TMPRSS15: variants seen among roughly 807,000 people sequenced by gnomAD.
TMPRSS15 encodes the protein transmembrane serine protease 15, also known as enteropeptidase.
In TMPRSS15, 128 loss-of-function variants were observed where a neutral mutation model predicts 125.3. The ratio of observed to expected loss-of-function variants is 1.02; its 90% CI spans 0.89 to 1.18. TMPRSS15 has a LOEUF of 1.18. Among genes scored for constraint, TMPRSS15 ranks in the 50% most tolerant of loss-of-function variants. The pLI is 0.00. For missense variants in TMPRSS15, 1,283 were observed against 1,212.7 expected (o/e 1.06, Z -0.86); for synonymous variants, 446 against 423.2 (o/e 1.05, Z -0.66).
intron 6 of TMPRSS15, among the ~76,000 whole-genome samples, chr21:18,369,214 A>G (rs2075768246): frequency 6.6e-6 from 1 of 152,186 alleles, no homozygotes; most frequent in Non-Finnish European, 1.5e-5. Context: ...AGGACCCACG[A>G]AGAACTCCCT....
intron 3 of TMPRSS15, among the ~76,000 whole-genome samples, chr21:18,396,110 T>G (rs112749295): frequency 0.084 from 12,839 of 152,240 alleles, 587 homozygotes; most frequent in African/African-American, 0.11. Flanking sequence ...ACTTAGATGT[T>G]TTTCTCCATG....
At chr21:18,428,521 C>T (rs549743671) in intron 1 of TMPRSS15, among the ~76,000 whole-genome samples, 67 of 152,110 alleles carry the variant, frequency 4.4e-4, no homozygotes, top group Non-Finnish European at 8.5e-4. Context: ...TGGGCCGGTC[C>T]CAGGGCCCCC....
Position 18,341,465 on chromosome 21 carries a change from C to A in TMPRSS15, c.1512G>T (p.Gly504=), listed in dbSNP as rs1216380890. The A allele has an allele frequency of 1.2e-6, 2 of 1,614,004 alleles. No individual in the cohort carries two copies. Among genetic ancestry groups the A allele is most frequent in the South Asian group, 2.2e-5 (2 of 91,080 alleles). ...DISLTYGICN[G]SLYPEPTLVP... ...CCAAAGTTGGTTCTGGATAAAGACT[C>A]CCATTGCAAATCCCATATGTTAGGC... Residue 504 remains glycine, a synonymous_variant, in exon 13 of 25, where the codon GGG becomes GGT. Coordinates refer to ENST00000284885, the MANE Select transcript of TMPRSS15 (RefSeq NM_002772.3).
intron 10 of TMPRSS15, among the ~76,000 whole-genome samples, chr21:18,345,718 G>A (rs529948602): frequency 3.3e-3 from 203 of 62,270 alleles, no homozygotes; most frequent in African/African-American, 0.01. Context: ...TCCAGCCTAG[G>A]CGACAGAGTG....
intron 3 of TMPRSS15, among the ~76,000 whole-genome samples, chr21:18,393,797 C>T (rs1490931552): frequency 6.6e-6 from 1 of 152,086 alleles, no homozygotes; most frequent in African/African-American, 2.4e-5. Context: ...CAAAGGTGCC[C>T]TTTGTAAGTA....
intron 22 of TMPRSS15, 25 bp downstream of exon 22, chr21:18,281,015 A>G: frequency 6.3e-7 from 1 of 1,599,930 alleles, no homozygotes; most frequent in Non-Finnish European, 8.5e-7. Flanking sequence ...AGATAAGATG[A>G]CTAAGAGTGA....
intron 1 of TMPRSS15, among the ~76,000 whole-genome samples, chr21:18,459,738 T>C (rs1243013386): frequency 6.6e-6 from 1 of 152,198 alleles, no homozygotes; most frequent in Non-Finnish European, 1.5e-5. Context: ...TGCTGGTATT[T>C]TCATGGGAAT....
intron 3 of TMPRSS15, 41 bp downstream of exon 3, chr21:18,397,838 A>T: frequency 8.9e-7 from 1 of 1,126,770 alleles, no homozygotes; most frequent in Non-Finnish European, 1.3e-6. Flanking sequence ...CAAAAAAATC[A>T]CTAATTTTCC....
intron 5 of TMPRSS15, among the ~76,000 whole-genome samples, chr21:18,373,439 G>T (rs1400714103): frequency 6.6e-6 from 1 of 151,818 alleles, no homozygotes. Context: ...CCATGTAGGA[G>T]AATAATAAAT....
At chr21:18,328,034 C>T (rs150516270) in intron 15 of TMPRSS15, among the ~76,000 whole-genome samples, 5 of 152,024 alleles carry the variant, frequency 3.3e-5, no homozygotes, top group Admixed American at 1.3e-4. Context: ...GCCTGGGTGA[C>T]AGAGCGAGGC....
At chr21:18,418,253 A>C (rs1472696503) in intron 1 of TMPRSS15, among the ~76,000 whole-genome samples, 1 of 152,190 alleles carries the variant, frequency 6.6e-6, no homozygotes, top group Non-Finnish European at 1.5e-5. Flanking sequence ...GGGATACCTT[A>C]CTTCTGTGGA....
At chr21:18,298,397 C>T (rs1420258782) in intron 18 of TMPRSS15, among the ~76,000 whole-genome samples, 1 of 152,178 alleles carries the variant, frequency 6.6e-6, no homozygotes, top group Non-Finnish European at 1.5e-5. Flanking sequence ...AGTCATGTGA[C>T]TGCACTAAAG....
chr21:18,414,724 C>T (rs1165293547), intron 1 of TMPRSS15, among the ~76,000 whole-genome samples: 1 of 152,146 alleles, frequency 6.6e-6, no homozygotes, highest in African/African-American at 2.4e-5. Context: ...CCATTTTATG[C>T]ATATATCACA....
At chr21:18,336,532 T>C (rs147360025) in intron 13 of TMPRSS15, among the ~76,000 whole-genome samples, 291 of 152,342 alleles carry the variant, frequency 1.9e-3, no homozygotes, top group African/African-American at 6.1e-3. Flanking sequence ...ATAGTGATCA[T>C]TCCTGATATA....
At chr21:18,387,225 TA>T (rs939488470) in intron 3 of TMPRSS15, among the ~76,000 whole-genome samples, 11 of 151,804 alleles carry the variant, frequency 7.2e-5, no homozygotes, top group South Asian at 2.1e-4. Flanking sequence ...TCCTTTAGGT[TA>T]AAAAAAATGA....
chr21:18,272,678 T>A (rs2074572555), intron 24 of TMPRSS15, among the ~76,000 whole-genome samples: 1 of 152,052 alleles, frequency 6.6e-6, no homozygotes, highest in African/African-American at 2.4e-5. Context: ...TGAGTGGAGA[T>A]CATGCCACTG....
At position 18,359,737 on chromosome 21, in the gene TMPRSS15, G is replaced by T; in HGVS notation, c.880+20C>A. ...CATATTTTCATTTTCATAAGTAATT[G>T]TATATTTGTTTCAACTTACCTCTTA... On this transcript the variant is annotated intron_variant, in intron 8 of 24. Transcript: ENST00000284885. The T allele has an allele frequency of 1.8e-6, 2 of 1,118,984 alleles. No homozygotes were observed. The highest frequency in any genetic ancestry group is 2.7e-6 in the Non-Finnish European group (2 of 737,332). The allele number at this position is 1,118,984 out of a possible 1,614,324, so 69.3% of individuals were successfully genotyped here.
At chr21:18,441,669 T>C (rs1200457463) in intron 1 of TMPRSS15, among the ~76,000 whole-genome samples, 1 of 54,850 alleles carries the variant, frequency 1.8e-5, no homozygotes, top group East Asian at 2.3e-3. Flanking sequence ...CACATTATTA[T>C]TATTATTATT....
intron 7 of TMPRSS15, among the ~76,000 whole-genome samples, chr21:18,364,216 T>A (rs1462145565): frequency 6.6e-6 from 1 of 152,128 alleles, no homozygotes; most frequent in Non-Finnish European, 1.5e-5. Context: ...ATAATCACAA[T>A]GATTAAAATT....
Sources: allele counts gnomAD v4.1 joint callset (sites outside exome capture counted in the v4.1 genomes callset), GRCh38; gene constraint gnomAD v4.1.1; transcripts MANE v1.5; gene names NCBI Gene and HGNC (gene_info 2026-07-23, HGNC 2026-07-21).